The following UGT1A5 variants were observed in gnomAD, a reference collection of about 807,000 sequenced individuals.
The protein encoded by UGT1A5 is UDP-glucuronosyltransferase 1A5.
UGT1A5 carries 29 observed loss-of-function variants against 40.3 expected under a neutral mutation model. The observed-to-expected ratio is 0.72, with a 90% CI of 0.54 to 0.98. The LOEUF is 0.98. UGT1A5 is among the 50% of genes least tolerant of loss of function. The pLI, the probability that UGT1A5 is intolerant of heterozygous loss-of-function variation, is 0.00. For synonymous variants in UGT1A5, 257 were observed against 262.5 expected (o/e 0.98, Z 0.20); for missense variants, 678 against 677.9 (o/e 1.00, Z 0.00).
chr2:233,757,549 T>TATATATATATATATATATATATAC (rs1696618435), intron 1 of UGT1A5, among the ~76,000 whole-genome samples: 1 of 133,970 alleles, frequency 7.5e-6, no homozygotes, highest in East Asian at 2.0e-4. Flanking sequence ...TATATATATA[T>TATATATATATATATATATATATAC]ATATATATAT....
In UGT1A5 at chr2:233,769,594, G is replaced by A; in HGVS notation, c.1307+1155G>A. 2 of 1,612,864 alleles carry A rather than the reference G, an allele frequency of 1.2e-6. No homozygotes were observed. The highest frequency in any genetic ancestry group is 1.7e-6 in the Non-Finnish European group (2 of 1,179,872). On this transcript the variant is annotated intron_variant, in intron 4 of 4. Coordinates refer to ENST00000373414, the MANE Select transcript of UGT1A5 (RefSeq NM_019078.2). This position sits in a 1 kb window ranked among gnomAD's most constrained non-coding sequence, Gnocchi z 4.4. ...GAGCATGTTCAGATGAGAGGAGACG[G>A]AACACGGGGACACACCAGCTTGAGC... is the stretch of plus-strand genomic sequence containing the variant.
At chr2:233,722,817 G>C (rs1300822952) in intron 1 of UGT1A5, among the ~76,000 whole-genome samples, 1 of 147,336 alleles carries the variant, frequency 6.8e-6, no homozygotes, top group Admixed American at 6.7e-5. Flanking sequence ...ATTTTTTCAA[G>C]TTATTTTGTA....
intron 1 of UGT1A5, among the ~76,000 whole-genome samples, chr2:233,757,535 A>AATATATATACATATATATATATATAT (rs376887521): frequency 5.7e-5 from 5 of 88,270 alleles, no homozygotes; most frequent in Admixed American, 1.1e-4. Flanking sequence ...GCCTGTAAGG[A>AATATATATACATATATATATATATAT]ATATATATAT....
At chr2:233,747,373 G>C in intron 1 of UGT1A5, 1 of 1,604,624 alleles carries the variant, frequency 6.2e-7, no homozygotes, top group South Asian at 1.1e-5. Flanking sequence ...CTCCATGCCA[G>C]AGGCCACCAG....
At chr2:233,743,563 C>A (rs546286371) in intron 1 of UGT1A5, 1 of 1,367,296 alleles carries the variant, frequency 7.3e-7, no homozygotes, top group South Asian at 1.1e-5. Flanking sequence ...TATTCTCCAG[C>A]GGGTTTCCCA....
chr2:233,727,030 G>T (rs2077579042), intron 1 of UGT1A5, among the ~76,000 whole-genome samples: 1 of 152,072 alleles, frequency 6.6e-6, no homozygotes, highest in South Asian at 2.1e-4. Flanking sequence ...TGTACCCTAA[G>T]GAATCTTTAC....
chr2:233,752,202 T>G (rs1037176887), intron 1 of UGT1A5: 1 of 152,188 alleles, frequency 6.6e-6, no homozygotes, highest in African/African-American at 2.4e-5. Context: ...TGTGTTGAAC[T>G]CCAGCCAGAA....
Position 233,718,936 on chromosome 2 carries a change from G to A in UGT1A5, c.867+5078G>A, listed in dbSNP as rs377569610. 7.4e-6 allele frequency: 12 copies of A among 1,614,050 alleles called. No homozygotes were observed. In the African/African-American group the frequency reaches 1.3e-4, roughly 18 times the overall value. Reference sequence around the variant, plus strand: ...GTGTTGGTGGTGCCCACTGATGGCAGCCCCTGGCTCAGCATGCGGGAGGCC... The same window carrying A: ...GTGTTGGTGGTGCCCACTGATGGCAACCCCTGGCTCAGCATGCGGGAGGCC... On this transcript the variant is annotated intron_variant, in intron 1 of 4. Coordinates refer to ENST00000373414, the MANE Select transcript of UGT1A5 (RefSeq NM_019078.2).
chr2:233,719,160 A>G (rs2125666938), intron 1 of UGT1A5: 1 of 1,614,264 alleles, frequency 6.2e-7, no homozygotes, highest in South Asian at 1.1e-5. Flanking sequence ...TTCTAGAAGT[A>G]TGGCAATTAT....
chr2:233,757,567 T>TATATATATATATATATA (rs1553619947), intron 1 of UGT1A5, among the ~76,000 whole-genome samples: 5 of 142,918 alleles, frequency 3.5e-5, no homozygotes, highest in Non-Finnish European at 7.6e-5. Context: ...TATATGTATA[T>TATATATATATATATATA]ATGATATAGC....
At chr2:233,746,920 C>A (rs1023587712) in intron 1 of UGT1A5, among the ~76,000 whole-genome samples, 10 of 151,720 alleles carry the variant, frequency 6.6e-5, no homozygotes, top group Admixed American at 4.6e-4. Context: ...TTTCCACAGG[C>A]CTTTGTTGGG....
rs185086181 is a variant in UGT1A5, at chr2:233,749,033, T to C, written c.868-18001T>C. Among the ~76,000 whole-genome samples, 300 of 151,916 alleles carry C rather than the reference T, an allele frequency of 2.0e-3. 2 individuals carry two copies. The highest frequency in any genetic ancestry group is 7.3e-3 in the Admixed American group (111 of 15,296). On this transcript the variant is annotated intron_variant, in intron 1 of 4. Coordinates refer to ENST00000373414, the MANE Select transcript of UGT1A5 (RefSeq NM_019078.2). Reference sequence around the variant, plus strand: ...TTTAATCCAGAATATTTGGGGTTCATTGATGTGGTACTCTGGGACCTGAAT... The same window carrying C: ...TTTAATCCAGAATATTTGGGGTTCACTGATGTGGTACTCTGGGACCTGAAT...
At chr2:233,729,792 C>T (rs370250320) in intron 1 of UGT1A5, 17 of 1,613,864 alleles carry the variant, frequency 1.1e-5, no homozygotes, top group Non-Finnish European at 1.3e-5. Flanking sequence ...CCCTGTCCTA[C>T]ATTTGCCATG....
intron 1 of UGT1A5, chr2:233,718,019 C>T: frequency 2.6e-6 from 1 of 391,762 alleles, no homozygotes; most frequent in Non-Finnish European, 5.1e-6. Flanking sequence ...GGCTCCAGCT[C>T]CCCAGGTCCT....
At chr2:233,725,270 A>AGAGGCAGAG (rs2077418450) in intron 1 of UGT1A5, among the ~76,000 whole-genome samples, 1 of 37,556 alleles carries the variant, frequency 2.7e-5, no homozygotes, top group Non-Finnish European at 5.1e-5. Flanking sequence ...CAGAGGAGGC[A>AGAGGCAGAG]GAGGCAGAGG....
At chr2:233,718,654 G>A in intron 1 of UGT1A5, 1 of 1,516,140 alleles carries the variant, frequency 6.6e-7, no homozygotes, top group African/African-American at 1.4e-5. Context: ...CATAACGAAA[G>A]GCAGTTATAG....
intron 3 of UGT1A5, 51 bp from the exon 4 acceptor site, chr2:233,768,169 T>G: frequency 1.9e-6 from 3 of 1,613,804 alleles, no homozygotes; most frequent in Non-Finnish European, 2.5e-6. Context: ...TGTGTCCAGC[T>G]GTGAAACTCA....
chr2:233,755,291 C>G (rs1483791202), intron 1 of UGT1A5: 2 of 651,218 alleles, frequency 3.1e-6, no homozygotes, highest in Admixed American at 2.9e-5. Flanking sequence ...AAAGAGCCTG[C>G]GGGGCACTGG....
chr2:233,743,180 G>A, intron 1 of UGT1A5: 1 of 369,298 alleles, frequency 2.7e-6, no homozygotes, highest in East Asian at 7.3e-5. Context: ...GTCAAATGTG[G>A]ACTGGAATTA....
Sources: allele counts gnomAD v4.1 joint callset (sites outside exome capture counted in the v4.1 genomes callset), GRCh38; gene constraint gnomAD v4.1.1; non-coding constraint Gnocchi (gnomAD v3.1); transcripts MANE v1.5; gene names NCBI Gene and HGNC (gene_info 2026-07-23, HGNC 2026-07-21).